TENM3: variants seen among roughly 807,000 people sequenced by gnomAD.
TENM3 encodes the protein teneurin-3.
TENM3 carries 63 observed loss-of-function variants against 255.1 expected under a neutral mutation model. The ratio of observed to expected loss-of-function variants is 0.25; its 90% CI spans 0.20 to 0.30. The LOEUF (loss-of-function observed/expected upper bound fraction) is 0.30. Ranked by LOEUF, TENM3 falls within the 10% of genes least tolerant of loss-of-function variation. The pLI is 1.00. For synonymous variants in TENM3, 1,306 were observed against 1,322.3 expected (o/e 0.99, Z 0.27); for missense variants, 2,929 against 3,461.1 (o/e 0.85, Z 3.86).
chr4:182,425,720 T>G (rs1270187743), intron 3 of TENM3, among the ~76,000 whole-genome samples: 1 of 152,066 alleles, frequency 6.6e-6, no homozygotes, highest in African/African-American at 2.4e-5. Context: ...TTAAAAACAC[T>G]CAAAGTGGGC....
the TENM3 span, among the ~76,000 whole-genome samples, chr4:181,783,573 A>G: frequency 6.6e-6 from 1 of 152,174 alleles, no homozygotes; most frequent in South Asian, 2.1e-4. Context: ...TTCCCATCCT[A>G]AAAGTTCCAT....
chr4:181,776,003 A>G, the TENM3 span, among the ~76,000 whole-genome samples: 56 of 152,090 alleles, frequency 3.7e-4, no homozygotes, highest in African/African-American at 1.3e-3. Flanking sequence ...TCTGCTATTG[A>G]ACATTACATC....
At position 182,793,776 on chromosome 4, in the gene TENM3, C is replaced by G; in HGVS notation, c.7104C>G (p.Asp2368Glu). Residue 2368 changes from aspartate (D) to glutamate (E), a missense_variant, in exon 26 of 28, where the codon GAC (aspartate) becomes GAG (glutamate). Transcript: ENST00000511685. The surrounding 1 kb of genome is among the most constrained non-coding windows in gnomAD (Gnocchi z 5.7). Reference protein sequence around the residue: ...DILAGRWTTPDIEIWKRIGKD... With the variant: ...DILAGRWTTPEIEIWKRIGKD... ...TGGCAGGACGGTGGACAACACCTGA[C>G]ATAGAAATCTGGAAAAGAATTGGGA... 6.2e-7 allele frequency: 1 copy of G among 1,613,956 alleles called. No individual in the cohort carries two copies. The highest frequency in any genetic ancestry group is 8.5e-7 in the Non-Finnish European group (1 of 1,179,868).
At chr4:182,066,607 T>A in the TENM3 span, among the ~76,000 whole-genome samples, 372 of 148,292 alleles carry the variant, frequency 2.5e-3, 1 homozygote, top group African/African-American at 7.5e-3. Context: ...AAAATATATA[T>A]ATATATATAT....
the TENM3 span, among the ~76,000 whole-genome samples, chr4:181,565,217 A>C: frequency 6.6e-6 from 1 of 152,198 alleles, no homozygotes; most frequent in Admixed American, 6.5e-5. Flanking sequence ...CATGACCTTC[A>C]TCAGAGGGCA....
chr4:182,556,554 T>C (rs917448250), intron 3 of TENM3, among the ~76,000 whole-genome samples: 3 of 152,240 alleles, frequency 2.0e-5, no homozygotes, highest in African/African-American at 7.2e-5. Context: ...TAAAGAATTA[T>C]TTAAAACTTT....
the TENM3 span, among the ~76,000 whole-genome samples, chr4:181,789,257 ATTT>A: frequency 1.9e-4 from 21 of 108,334 alleles, no homozygotes; most frequent in African/African-American, 6.1e-4. Context: ...ATTTTATTTT[ATTT>A]ATTTTATTTT....
the TENM3 span, among the ~76,000 whole-genome samples, chr4:182,031,158 A>AT: frequency 6.6e-6 from 1 of 151,738 alleles, no homozygotes; most frequent in Non-Finnish European, 1.5e-5. Flanking sequence ...TATTTCCCAG[A>AT]TTTTCTTCTA....
chr4:181,808,911 TAGATG>T, the TENM3 span, among the ~76,000 whole-genome samples: 2 of 152,196 alleles, frequency 1.3e-5, no homozygotes, highest in Non-Finnish European at 2.9e-5. Context: ...AAGGGTATTC[TAGATG>T]AGATGTGTTA....
the TENM3 span, among the ~76,000 whole-genome samples, chr4:181,943,318 G>A: frequency 6.6e-6 from 1 of 152,080 alleles, no homozygotes; most frequent in Non-Finnish European, 1.5e-5. Flanking sequence ...TAGTTTCTAT[G>A]TGTCTATTAT....
chr4:182,413,117 G>C (rs1770118071), intron 3 of TENM3, among the ~76,000 whole-genome samples: 1 of 151,648 alleles, frequency 6.6e-6, no homozygotes, highest in Non-Finnish European at 1.5e-5. Context: ...AAACATGAAG[G>C]ATGAAATGAT....
At chr4:181,872,552 A>G in the TENM3 span, among the ~76,000 whole-genome samples, 1 of 152,144 alleles carries the variant, frequency 6.6e-6, no homozygotes, top group African/African-American at 2.4e-5. Context: ...TGTTCAATAT[A>G]CTTATTTCAT....
intron 1 of TENM3, among the ~76,000 whole-genome samples, chr4:182,288,759 G>C (rs7685733): frequency 0.028 from 4,253 of 152,268 alleles, 201 homozygotes; most frequent in African/African-American, 0.096. Context: ...TCTGACTCTA[G>C]AGAACAGGCT....
the TENM3 span, among the ~76,000 whole-genome samples, chr4:181,582,855 T>C: frequency 6.6e-6 from 1 of 152,156 alleles, no homozygotes; most frequent in Non-Finnish European, 1.5e-5. Flanking sequence ...GGTCATTGGA[T>C]GTAAGGTAGG....
the TENM3 span, among the ~76,000 whole-genome samples, chr4:181,524,143 G>A: frequency 5.3e-5 from 8 of 152,128 alleles, no homozygotes; most frequent in African/African-American, 1.9e-4. Context: ...AAAATGTGGG[G>A]GAGCAGCACT....
At chr4:182,549,589 C>T (rs183378069) in intron 3 of TENM3, among the ~76,000 whole-genome samples, 31 of 152,252 alleles carry the variant, frequency 2.0e-4, no homozygotes, top group Admixed American at 2.6e-4. Flanking sequence ...ACCCATTGTT[C>T]GAGTCACGCT....
chr4:181,962,701 G>A, the TENM3 span, among the ~76,000 whole-genome samples: 1 of 152,152 alleles, frequency 6.6e-6, no homozygotes, highest in African/African-American at 2.4e-5. Context: ...TGCCTCCAAA[G>A]TAAAGCCTAC....
At chr4:181,979,095 GACATATATAT>G in the TENM3 span, among the ~76,000 whole-genome samples, 18 of 72,158 alleles carry the variant, frequency 2.5e-4, no homozygotes, top group African/African-American at 1.0e-3. Flanking sequence ...CATTAAGCCT[GACATATATAT>G]ATATATATAT....
At chr4:181,803,898 G>A in the TENM3 span, among the ~76,000 whole-genome samples, 16 of 142,320 alleles carry the variant, frequency 1.1e-4, no homozygotes, top group African/African-American at 3.2e-4. Context: ...TTGTGCCACC[G>A]CATTCTAGCC....
Sources: allele counts gnomAD v4.1 joint callset (sites outside exome capture counted in the v4.1 genomes callset), GRCh38; gene constraint gnomAD v4.1.1; non-coding constraint Gnocchi (gnomAD v3.1); transcripts MANE v1.5; gene names NCBI Gene and HGNC (gene_info 2026-07-23, HGNC 2026-07-21).